BRD2: variants seen among roughly 807,000 people sequenced by gnomAD.
BRD2 encodes bromodomain containing 2, also known as bromodomain-containing protein 2.
BRD2 carries 15 observed loss-of-function variants against 79.1 expected under a neutral mutation model. That is an observed-to-expected ratio of 0.19 (90% CI 0.13 to 0.29). BRD2 has a LOEUF of 0.29. Ranked by LOEUF, BRD2 falls within the 10% of genes least tolerant of loss-of-function variation. The probability of loss-of-function intolerance (pLI) is 1.00; values close to 1 mark genes in which losing one functional copy is unlikely to be tolerated. For missense variants in BRD2, 1,053 were observed against 991.3 expected (o/e 1.06, Z -0.84); for synonymous variants, 488 against 358.6 (o/e 1.36, Z -4.08).
In BRD2 at chr6:32,980,285, C is replaced by T. The variant is rs1779346570; in HGVS notation, c.2147-57C>T. The T allele has an allele frequency of 2.5e-6, 4 of 1,603,188 alleles. No individual in the cohort carries two copies. The East Asian group carries it at 8.9e-5, about 36-fold the overall frequency. On this transcript the variant is annotated intron_variant, in intron 11 of 12. Transcript: ENST00000374825. ...GAAGGGAACTTGGGAACCTTAGGGG[C>T]CCATAATAAGATGCTTGGGGCAATC...
chr6:32,972,502 C>G lies in BRD2; in HGVS notation c.-397C>G, dbSNP rs1193654672. ...AACCACTTTTCGTGTTCATCCGCCT[C>G]CATCCGAGATCGAAACGGGACCTCG... is the stretch of plus-strand genomic sequence containing the variant. On this transcript the variant is annotated 5_prime_UTR_variant, in exon 2 of 13. Transcript: ENST00000374825. The G allele has an allele frequency of 3.0e-6, 1 of 328,150 alleles. No homozygotes were observed. Among genetic ancestry groups the G allele is most frequent in the African/African-American group, 2.2e-5 (1 of 45,764 alleles). The allele number at this position is 328,150 out of a possible 1,614,324, so 20.3% of individuals were successfully genotyped here.
Position 32,971,808 on chromosome 6 carries a change from G to A in BRD2, c.-1091G>A, listed in dbSNP as rs536311902. On this transcript the variant is annotated 5_prime_UTR_variant, in exon 2 of 13. Transcript: ENST00000374825. ...AGCTTGGGAAGACTTTGTTGGAAGG[G>A]GAGGCGGGGAGAGAGTGCTGGAGGC... 44 of 641,054 alleles carry A rather than the reference G, an allele frequency of 6.9e-5. No homozygotes were observed. The South Asian group carries it at 7.6e-4, about 11-fold the overall frequency. The allele number at this position is 641,054 out of a possible 1,614,324, so 39.7% of individuals were successfully genotyped here. A position where few individuals can be genotyped will look rare whatever the true frequency, so the allele number is the denominator to read the frequency against.
chr6:32,980,749 C>G lies in BRD2; in HGVS notation c.*31C>G. ...CAGGCCAGATGGGGCAGGAAGGCTC[C>G]GCAGGACCGGACCCCTAGACCACCC... On this transcript the variant is annotated 3_prime_UTR_variant, in exon 13 of 13. Coordinates refer to ENST00000374825, the MANE Select transcript of BRD2 (RefSeq NM_005104.4). 6.2e-7 allele frequency: 1 copy of G among 1,610,912 alleles called. No individual in the cohort carries two copies. The highest frequency in any genetic ancestry group is 8.5e-7 in the Non-Finnish European group (1 of 1,179,796).
intron 2 of BRD2, 180 bp downstream of exon 2, chr6:32,973,107 A>T (rs756520301): frequency 1.3e-6 from 2 of 1,558,706 alleles, no homozygotes; most frequent in Non-Finnish European, 8.7e-7. Context: ...CGGCTCGGCT[A>T]CTGCTCGTGG....
chr6:32,980,441 C>G lies in BRD2; in HGVS notation c.2246C>G (p.Ser749Cys). The change falls in exon 12 of 13, where the codon TCT becomes TGT. Residue 749 changes from serine (S) to cysteine (C), a missense_variant. This residue lies in a region of BRD2 where 139 missense variants were observed against 133.2 expected (regional missense o/e 1.04). Coordinates refer to ENST00000374825, the MANE Select transcript of BRD2 (RefSeq NM_005104.4). ...RLQDVSGQLN[S>C]TKKPPKKANE... ...CAAGATGTCAGCGGACAGCTCAATT[C>G]TACTAAAAAGCCCCCCAAGAAAGGT... 1 of 1,613,066 alleles carries G rather than the reference C, an allele frequency of 6.2e-7. No homozygotes were observed. The highest frequency in any genetic ancestry group is 8.5e-7 in the Non-Finnish European group (1 of 1,180,020).
In BRD2 at chr6:32,975,307, T is replaced by A. The variant is rs488216; in HGVS notation, c.334-77T>A. ...GGGGGTGTGTGTGTGTGTGTGTGTG[T>A]GTGAGAGTCGGGGATCGGTAGTCTC... is the stretch of plus-strand genomic sequence containing the variant. On this transcript the variant is annotated intron_variant, in intron 3 of 12. Coordinates refer to ENST00000374825, the MANE Select transcript of BRD2 (RefSeq NM_005104.4). The A allele has an allele frequency of 6.1e-3, 7,037 of 1,147,968 alleles. 90 individuals carry two copies. Among genetic ancestry groups the A allele is most frequent in the African/African-American group, 0.039 (2,451 of 62,708 alleles). 71.1% of individuals were successfully genotyped at this position (1,147,968 alleles called of 1,614,324 possible). A position where few individuals can be genotyped will look rare whatever the true frequency, so the allele number is the denominator to read the frequency against.
Position 32,976,922 on chromosome 6 carries a change from C to G in BRD2, c.1186C>G (p.Leu396Val). 5 of 1,610,754 alleles carry G rather than the reference C, an allele frequency of 3.1e-6. No individual in the cohort carries two copies. Among genetic ancestry groups the G allele is most frequent in the Non-Finnish European group, 4.2e-6 (5 of 1,178,502 alleles). Residue 396 changes from leucine to valine, a missense_variant, in exon 7 of 13, where the codon CTC (leucine) becomes GTC (valine). By Grantham distance (32) the Leu-to-Val change is conservative. Transcript: ENST00000374825. ...YHDIIKHPMDLSTVKRKMENR... is the reference protein window; with the variant it reads ...YHDIIKHPMDVSTVKRKMENR... The stretch of plus-strand genomic sequence containing the variant: ...TGACATCATTAAGCACCCCATGGAC[C>G]TCAGCACTGTCAAGGTACCCACTGC...
chr6:32,978,351 CCTT>C lies in BRD2; in HGVS notation c.1807_1809del (p.Ser603del). 2 of 1,612,886 alleles carry C rather than the reference CCTT, an allele frequency of 1.2e-6. No homozygotes were observed. The highest frequency in any genetic ancestry group is 1.7e-6 in the Non-Finnish European group (2 of 1,180,000). ...TGGGGGTGGCAGTGCTGCTTTAGGCCCTTCTGGCTTTGGACCTTCTGGAGGAAG... is the reference window on the plus strand; with the variant it reads ...TGGGGGTGGCAGTGCTGCTTTAGGCCCTGGCTTTGGACCTTCTGGAGGAAG... On this transcript the variant is annotated inframe_deletion, in exon 10 of 13. Coordinates refer to ENST00000374825, the MANE Select transcript of BRD2 (RefSeq NM_005104.4).
chr6:32,969,649 C>T (rs1777770195), intron 1 of BRD2, among the ~76,000 whole-genome samples: 2 of 152,310 alleles, frequency 1.3e-5, no homozygotes, highest in South Asian at 4.1e-4. Context: ...GCCTGTGGGG[C>T]CTTTTGCCCC....
At position 32,980,793 on chromosome 6, in the gene BRD2, C is replaced by A; in HGVS notation, c.*75C>A. 1.9e-6 allele frequency: 3 copies of A among 1,558,306 alleles called. No homozygotes were observed. Among genetic ancestry groups the A allele is most frequent in the Non-Finnish European group, 2.6e-6 (3 of 1,138,880 alleles). On this transcript the variant is annotated 3_prime_UTR_variant, in exon 13 of 13. Coordinates refer to ENST00000374825, the MANE Select transcript of BRD2 (RefSeq NM_005104.4). ...ACCACCCTGCCCCACCTGCCCCTTC[C>A]CCCTTTGCTGTGACACTTCTTCATC...
rs1396481017 is a variant in BRD2, at chr6:32,977,570, G to C, written c.1329G>C (p.Gln443His). 1.2e-6 allele frequency: 2 copies of C among 1,613,978 alleles called. No individual in the cohort carries two copies. The highest frequency in any genetic ancestry group is 1.3e-5 in the African/African-American group (1 of 75,058). ...HDVVAMARKL[Q>H]DVFEFRYAKM... The stretch of plus-strand genomic sequence containing the variant: ...TTGTGGCAATGGCACGAAAGCTACA[G>C]GTGAGTGGAAAGGTTGGAGTTTGAA... The change falls in exon 8 of 13, where the codon CAG (glutamine) becomes CAC (histidine). Residue 443 changes from glutamine to histidine, a missense_variant and splice_region_variant. Gln to His is a conservative substitution (Grantham distance 24). This residue lies in a region of BRD2 where 454 missense variants were observed against 430.5 expected (regional missense o/e 1.05). Transcript: ENST00000374825.
In BRD2 at chr6:32,972,184, C is replaced by CG. The variant is rs772609374; in HGVS notation, c.-711dup. The CG allele has an allele frequency of 3.7e-5, 21 of 563,056 alleles. No individual in the cohort carries two copies. Among genetic ancestry groups the CG allele is most frequent in the Non-Finnish European group, 6.4e-5 (20 of 310,658 alleles). The allele number at this position is 563,056 out of a possible 1,614,324, so 34.9% of individuals were successfully genotyped here. A position where few individuals can be genotyped will look rare whatever the true frequency, so the allele number is the denominator to read the frequency against. ...CCCGCCTATATATAAAGGGCTGGCGCGGGGCTCGGCGGCGCCATTTCGTGC... is the reference window on the plus strand; with the variant it reads ...CCCGCCTATATATAAAGGGCTGGCGCGGGGGCTCGGCGGCGCCATTTCGTGC... On this transcript the variant is annotated 5_prime_UTR_variant, in exon 2 of 13. The change abolishes the stop of an existing upstream ORF in the 5' untranslated region. Transcript: ENST00000374825.
intron 2 of BRD2, among the ~76,000 whole-genome samples, chr6:32,973,978 T>C (rs535165674): frequency 6.6e-6 from 1 of 152,322 alleles, no homozygotes; most frequent in East Asian, 1.9e-4. Context: ...TCTAGGTGGA[T>C]TATTCTGTGT....
chr6:32,976,620 C>T lies in BRD2; in HGVS notation c.884C>T (p.Ala295Val), dbSNP rs752055592. ...ACCCCTACACCTACAGCCATCTTGG[C>T]TCCTGGTTCTCCAGCTAGCCCTCCT... ...TTTPTPTAIL[A>V]PGSPASPPGS... Residue 295 changes from alanine to valine, a missense_variant, in exon 7 of 13, where the codon GCT becomes GTT. By Grantham distance (64) the Ala-to-Val change is moderately conservative. Around this residue, in one of 5 missense-constraint regions of BRD2, gnomAD observed 454 missense variants for 430.5 expected, o/e 1.05. Transcript: ENST00000374825. 6 of 1,611,250 alleles carry T rather than the reference C, an allele frequency of 3.7e-6. No homozygotes were observed. Among genetic ancestry groups the T allele is most frequent in the South Asian group, 1.1e-5 (1 of 91,062 alleles).
At position 32,974,473 on chromosome 6, in the gene BRD2, A is replaced by C. The variant is rs748849886; in HGVS notation, c.41A>C (p.Glu14Ala). 9.8e-5 allele frequency: 158 copies of C among 1,609,136 alleles called. No individual in the cohort carries two copies. Among genetic ancestry groups the C allele is most frequent in the Non-Finnish European group, 1.3e-4 (153 of 1,176,100 alleles). Residue 14 changes from glutamate (E) to alanine (A), a missense_variant, in exon 3 of 13, where the codon GAA becomes GCA. Around this residue, in one of 5 missense-constraint regions of BRD2, gnomAD observed 413 missense variants for 335.1 expected, o/e 1.23. Coordinates refer to ENST00000374825, the MANE Select transcript of BRD2 (RefSeq NM_005104.4). ...NVTPHNKLPG[E>A]GNAGLLGLGP... ...TCCCATCTTTACAGGCTCCCTGGGG[A>C]AGGGAATGCAGGGTTGCTGGGGCTG...
At position 32,971,718 on chromosome 6, in the gene BRD2, A is replaced by G. The variant is rs538991209; in HGVS notation, c.-1181A>G. On this transcript the variant is annotated 5_prime_UTR_variant, in exon 2 of 13. The change abolishes an upstream ATG in the 5' untranslated region. Coordinates refer to ENST00000374825, the MANE Select transcript of BRD2 (RefSeq NM_005104.4). ...CCCTCCCGTTTCCCTGCTTTGGCCAATGGAGGAGCTACGAATGGCACGACC... is the reference window on the plus strand; with the variant it reads ...CCCTCCCGTTTCCCTGCTTTGGCCAGTGGAGGAGCTACGAATGGCACGACC... 5.0e-5 allele frequency: 28 copies of G among 557,272 alleles called. No homozygotes were observed. Among genetic ancestry groups the G allele is most frequent in the South Asian group, 2.4e-4 (11 of 45,360 alleles). 34.5% of individuals were successfully genotyped at this position (557,272 alleles called of 1,614,324 possible). A position where few individuals can be genotyped will look rare whatever the true frequency, so the allele number is the denominator to read the frequency against.
In BRD2 at chr6:32,978,200, A is replaced by G; in HGVS notation, c.1653A>G (p.Lys551=). Reference sequence around the variant, plus strand: ...CCAAGCCCAAGAGGAAAAGAGAGAAAAAAGAGAAAAAGAAGAAACGGAAGG... The same window carrying G: ...CCAAGCCCAAGAGGAAAAGAGAGAAGAAAGAGAAAAAGAAGAAACGGAAGG... ...PISKPKRKRE[K]KEKKKKRKAE... The change falls in exon 10 of 13, where the codon AAA becomes AAG. Residue 551 remains lysine (K), a synonymous_variant. Coordinates refer to ENST00000374825, the MANE Select transcript of BRD2 (RefSeq NM_005104.4). 3 of 1,613,024 alleles carry G rather than the reference A, an allele frequency of 1.9e-6. No individual in the cohort carries two copies. The highest frequency in any genetic ancestry group is 2.5e-6 in the Non-Finnish European group (3 of 1,180,016).
In BRD2 at chr6:32,972,673, T is replaced by A. The variant is rs1210141766; in HGVS notation, c.-226T>A. 1.6e-6 allele frequency: 1 copy of A among 630,708 alleles called. No homozygotes were observed. The highest frequency in any genetic ancestry group is 2.8e-5 in the East Asian group (1 of 36,316). 39.1% of individuals were successfully genotyped at this position (630,708 alleles called of 1,614,324 possible). A position where few individuals can be genotyped will look rare whatever the true frequency, so the allele number is the denominator to read the frequency against. On this transcript the variant is annotated 5_prime_UTR_variant, in exon 2 of 13. Transcript: ENST00000374825. ...CGCCTCAGCTGAGGCCGCCGCCATT[T>A]TCTTGCTGTCCGCCGTCTGCAGAGC...
rs1778445047 is a variant in BRD2 at position 32,974,454 on chromosome 6, CTT to C, written c.30-6_30-5del. 1.2e-6 allele frequency: 2 copies of C among 1,604,718 alleles called. No individual in the cohort carries two copies. The highest frequency in any genetic ancestry group is 1.7e-6 in the Non-Finnish European group (2 of 1,173,320). ...GATATTGCCCTAATTTTGTTCCCATCTTTACAGGCTCCCTGGGGAAGGGAATG... is the reference window on the plus strand; with the variant it reads ...GATATTGCCCTAATTTTGTTCCCATCTACAGGCTCCCTGGGGAAGGGAATG... On this transcript the variant is annotated splice_region_variant and splice_polypyrimidine_tract_variant and intron_variant, in intron 2 of 12. Coordinates refer to ENST00000374825, the MANE Select transcript of BRD2 (RefSeq NM_005104.4).
Sources: gnomAD v4.1 joint callset for allele counts (sites outside exome capture counted in the v4.1 genomes callset) on GRCh38, gnomAD v4.1.1 for gene constraint, gnomAD v4.1.1 regional missense constraint, MANE v1.5 for transcripts, NCBI Gene and HGNC (gene_info 2026-07-23, HGNC 2026-07-21) for gene names.